Variants in FHOD3 observed in about 807,000 individuals in gnomAD.
The protein encoded by FHOD3 is formin homology 2 domain containing 3.
FHOD3 carries 90 observed loss-of-function variants against 173.0 expected under a neutral mutation model. The observed-to-expected ratio is 0.52, with a 90% CI of 0.44 to 0.62. The LOEUF (loss-of-function observed/expected upper bound fraction) is 0.62, where lower values mean the gene tolerates loss of function less well. Ranked by LOEUF, FHOD3 falls within the 20% of genes least tolerant of loss-of-function variation. The pLI, the probability that FHOD3 is intolerant of heterozygous loss-of-function variation, is 0.00. For synonymous variants in FHOD3, 828 were observed against 823.0 expected, an observed-to-expected ratio of 1.01 and a Z score of -0.10; for missense variants, 1,945 against 2,034.7, an observed-to-expected ratio of 0.96 and a Z score of 0.85.
At chr18:36,617,357 C>A (rs1337649411) in intron 9 of FHOD3, among the ~76,000 whole-genome samples, 2 of 152,222 alleles carry the variant, frequency 1.3e-5, no homozygotes, top group Middle Eastern at 3.4e-3. Flanking sequence ...TGTTTTCAAG[C>A]TTTTTATAAA....
Position 36,412,914 on chromosome 18 carries a change from T to A in FHOD3, c.337+40170T>A, listed in dbSNP as rs540667431. ...TGGAAGCTCACAGAGGTCATATTGT[T>A]GCTTTGGAACTGGTGTCCTAGACAC... On this transcript the variant is annotated intron_variant, in intron 3 of 28. Coordinates refer to ENST00000590592, the MANE Select transcript of FHOD3 (RefSeq NM_001281740.3). Among the ~76,000 whole-genome samples, 5 of 152,342 alleles carry A rather than the reference T, an allele frequency of 3.3e-5. No individual in the cohort carries two copies. The South Asian group carries it at 6.2e-4, about 19-fold the overall frequency.
At chr18:36,441,073 T>TA (rs1355189350) in intron 3 of FHOD3, among the ~76,000 whole-genome samples, 1 of 152,188 alleles carries the variant, frequency 6.6e-6, no homozygotes, top group Non-Finnish European at 1.5e-5. Flanking sequence ...CATTCTCTCT[T>TA]ATAGATTCCT....
rs2048799068 is a variant in FHOD3 at position 36,401,255 on chromosome 18, AG to A, written c.337+28512del. On this transcript the variant is annotated intron_variant, in intron 3 of 28. Coordinates refer to ENST00000590592, the MANE Select transcript of FHOD3 (RefSeq NM_001281740.3). ...TCCTCTTATAGAAGAGGCCCAAGGA[AG>A]CTTGTTAACCACTTTCCCCTTCCAC... 2.0e-5 allele frequency among the ~76,000 whole-genome samples: 3 copies of A among 152,112 alleles called. No individual in the cohort carries two copies. The South Asian group carries it at 6.2e-4, about 32-fold the overall frequency.
At position 36,310,541 on chromosome 18, in the gene FHOD3, G is replaced by A. The variant is rs756138316; in HGVS notation, c.165+12541G>A. ...TCTCTACTAAAAAGTACAAAAATTA[G>A]CCAGGCATGGTGGTGGGTGCCCGTA... is the stretch of plus-strand genomic sequence containing the variant. On this transcript the variant is annotated intron_variant, in intron 1 of 28. Transcript: ENST00000590592. 5.3e-5 allele frequency among the ~76,000 whole-genome samples: 8 copies of A among 152,094 alleles called. No individual in the cohort carries two copies. In the East Asian group the frequency reaches 5.8e-4, roughly 11 times the overall value.
At chr18:36,658,713 A>G (rs2149192782) in intron 14 of FHOD3, among the ~76,000 whole-genome samples, 1 of 152,350 alleles carries the variant, frequency 6.6e-6, no homozygotes, top group East Asian at 1.9e-4. Context: ...CCCAGAAGCA[A>G]ATGATTGCCC....
intron 3 of FHOD3, among the ~76,000 whole-genome samples, chr18:36,429,914 T>C (rs1339614892): frequency 1.3e-5 from 2 of 152,098 alleles, no homozygotes; most frequent in African/African-American, 2.4e-5. Flanking sequence ...TTCTGGGGCT[T>C]GTTCTCAAGT....
chr18:36,392,926 A>G (rs8093634), intron 3 of FHOD3, among the ~76,000 whole-genome samples: 1,725 of 152,340 alleles, frequency 0.011, 27 homozygotes, highest in African/African-American at 0.04. Context: ...TGACATGGCC[A>G]AAGTGAAGCC....
chr18:36,307,709 T>A (rs1598645218), intron 1 of FHOD3, among the ~76,000 whole-genome samples: 1 of 152,126 alleles, frequency 6.6e-6, no homozygotes, highest in East Asian at 1.9e-4. Flanking sequence ...TGGAGAGAGG[T>A]TACTACTGAC....
At chr18:36,661,304 A>G (rs2036782533) in intron 14 of FHOD3, among the ~76,000 whole-genome samples, 2 of 152,104 alleles carry the variant, frequency 1.3e-5, no homozygotes, top group Admixed American at 6.6e-5. Context: ...TCACCTATGC[A>G]AGTATTTTTT....
intron 4 of FHOD3, 39 bp downstream of exon 4, chr18:36,502,038 T>C (rs761187797): frequency 2.8e-6 from 4 of 1,411,324 alleles, no homozygotes; most frequent in African/African-American, 1.4e-5. Flanking sequence ...TGTTTTTACA[T>C]TGCTGTGAAA....
At chr18:36,562,911 G>A (rs2058139733) in intron 5 of FHOD3, among the ~76,000 whole-genome samples, 1 of 152,158 alleles carries the variant, frequency 6.6e-6, no homozygotes, top group African/African-American at 2.4e-5. Flanking sequence ...GTGGTTTAAG[G>A]CTTTGCTGTG....
chr18:36,701,727 G>A (rs1435154662), intron 17 of FHOD3, among the ~76,000 whole-genome samples: 1 of 152,176 alleles, frequency 6.6e-6, no homozygotes, highest in Non-Finnish European at 1.5e-5. Flanking sequence ...CACAGCCCAT[G>A]AATGCAATCC....
intron 2 of FHOD3, among the ~76,000 whole-genome samples, chr18:36,361,507 A>G (rs2046613337): frequency 6.6e-6 from 1 of 151,934 alleles, no homozygotes; most frequent in African/African-American, 2.4e-5. Context: ...CCAACATGGG[A>G]AACGCTGTCT....
At chr18:36,385,558 G>A (rs2047989798) in intron 3 of FHOD3, among the ~76,000 whole-genome samples, 1 of 152,070 alleles carries the variant, frequency 6.6e-6, no homozygotes, top group African/African-American at 2.4e-5. Flanking sequence ...CACCATGCCT[G>A]GCTAATTTTC....
intron 17 of FHOD3, among the ~76,000 whole-genome samples, chr18:36,703,712 G>A (rs1353499870): frequency 6.6e-6 from 1 of 152,182 alleles, no homozygotes; most frequent in South Asian, 2.1e-4. Flanking sequence ...TGTGAGTGAT[G>A]GTCTGCCCTG....
intron 3 of FHOD3, among the ~76,000 whole-genome samples, chr18:36,428,544 G>A (rs1239730242): frequency 6.6e-6 from 1 of 152,146 alleles, no homozygotes; most frequent in Non-Finnish European, 1.5e-5. Context: ...GGCTTCTGAG[G>A]GTGGGGCTGG....
In FHOD3 at chr18:36,297,930, C is replaced by A. The variant is rs748740273; in HGVS notation, c.95C>A (p.Thr32Lys). ...FPEPSRPPLFTFREDLALGTQ... is the reference protein window; with the variant it reads ...FPEPSRPPLFKFREDLALGTQ... Reference sequence around the variant, plus strand: ...GAGCCCAGCCGGCCGCCGCTGTTCACGTTCCGCGAGGACCTCGCGCTCGGC... The same window carrying A: ...GAGCCCAGCCGGCCGCCGCTGTTCAAGTTCCGCGAGGACCTCGCGCTCGGC... Residue 32 changes from threonine (T) to lysine (K), a missense_variant, in exon 1 of 29, where the codon ACG becomes AAG. Transcript: ENST00000590592. 4 of 1,565,462 alleles carry A rather than the reference C, an allele frequency of 2.6e-6. No individual in the cohort carries two copies. Among genetic ancestry groups the A allele is most frequent in the Admixed American group, 3.7e-5 (2 of 53,758 alleles).
chr18:36,592,477 G>A (rs561175494), intron 6 of FHOD3, among the ~76,000 whole-genome samples: 1 of 152,344 alleles, frequency 6.6e-6, no homozygotes, highest in Admixed American at 6.5e-5. Flanking sequence ...GGCCGGAGAG[G>A]GGGTGTCAAG....
chr18:36,593,042 T>G (rs966358544), intron 6 of FHOD3, among the ~76,000 whole-genome samples: 1 of 152,060 alleles, frequency 6.6e-6, no homozygotes, highest in Non-Finnish European at 1.5e-5. Context: ...CTTCCCACAC[T>G]GAGAGACTGA....
Sources: gnomAD v4.1 joint callset for allele counts (sites outside exome capture counted in the v4.1 genomes callset) on GRCh38, gnomAD v4.1.1 for gene constraint, MANE v1.5 for transcripts, NCBI Gene and HGNC (gene_info 2026-07-23, HGNC 2026-07-21) for gene names.